Variants in ITGA2 observed in about 807,000 individuals in gnomAD.
ITGA2 encodes the protein integrin alpha-2.
ITGA2 carries 101 observed loss-of-function variants against 146.3 expected under a neutral mutation model. The ratio of observed to expected loss-of-function variants is 0.69; its 90% CI spans 0.59 to 0.81. ITGA2 has a LOEUF of 0.81. ITGA2 is among the 40% of genes least tolerant of loss of function. The pLI is 0.00. For missense variants in ITGA2, 1,281 were observed against 1,402.7 expected, an observed-to-expected ratio of 0.91 and a Z score of 1.39; for synonymous variants, 477 against 487.1, an observed-to-expected ratio of 0.98 and a Z score of 0.27.
Position 53,093,631 on chromosome 5 carries a change from T to C in ITGA2, c.*3032T>C, listed in dbSNP as rs1170227604. 6.6e-6 allele frequency: 1 copy of C among 152,198 alleles called. No individual in the cohort carries two copies. The highest frequency in any genetic ancestry group is 2.4e-5 in the African/African-American group (1 of 41,440). The allele number at this position is 152,198 out of a possible 1,614,324, so 9.4% of individuals were successfully genotyped here. ...AGCACTTTTAAGCAAAGGTAAGTAT[T>C]CATACAAGAAATTTAGGGGGAAAAA... On this transcript the variant is annotated 3_prime_UTR_variant, in exon 30 of 30. Coordinates refer to ENST00000296585, the MANE Select transcript of ITGA2 (RefSeq NM_002203.4).
intron 1 of ITGA2, among the ~76,000 whole-genome samples, chr5:52,994,639 C>G (rs1222700578): frequency 6.6e-6 from 1 of 152,040 alleles, no homozygotes; most frequent in Non-Finnish European, 1.5e-5. Flanking sequence ...TTGGAGTTAG[C>G]CTTATGGAAA....
intron 22 of ITGA2, 30 bp downstream of exon 22, chr5:53,075,167 G>C: frequency 1.2e-6 from 2 of 1,603,224 alleles, no homozygotes; most frequent in Admixed American, 3.3e-5. Context: ...TGAATGGAAT[G>C]ATGGATAGCT....
At chr5:53,046,143 C>T (rs1034423662) in intron 4 of ITGA2, among the ~76,000 whole-genome samples, 1 of 143,960 alleles carries the variant, frequency 6.9e-6, no homozygotes. Context: ...TGCACTGAGC[C>T]GAGATCGTGC....
At chr5:53,034,277 G>A (rs1743378922) in intron 2 of ITGA2, among the ~76,000 whole-genome samples, 1 of 151,752 alleles carries the variant, frequency 6.6e-6, no homozygotes, top group Admixed American at 6.6e-5. Context: ...GCCATCCTCA[G>A]CACTATTAAT....
intron 2 of ITGA2, among the ~76,000 whole-genome samples, chr5:53,028,978 A>G (rs1743088046): frequency 6.6e-6 from 1 of 152,192 alleles, no homozygotes; most frequent in Non-Finnish European, 1.5e-5. Context: ...TGAACTGTTA[A>G]AAACATGGCT....
chr5:53,074,537 T>G, intron 21 of ITGA2, 60 bp downstream of exon 21: 1 of 1,247,794 alleles, frequency 8.0e-7, no homozygotes, highest in Non-Finnish European at 1.2e-6. Flanking sequence ...TATGCTAATT[T>G]ACCAACATAA....
intron 4 of ITGA2, among the ~76,000 whole-genome samples, chr5:53,048,154 C>T (rs560140345): frequency 6.6e-6 from 1 of 152,334 alleles, no homozygotes; most frequent in Non-Finnish European, 1.5e-5. Flanking sequence ...ACTCCTCCTC[C>T]CGCAAGGCTT....
chr5:53,039,829 C>T (rs1743696358), intron 2 of ITGA2, among the ~76,000 whole-genome samples: 1 of 149,154 alleles, frequency 6.7e-6, no homozygotes, highest in African/African-American at 2.5e-5. Context: ...AGCATAGAAT[C>T]ATCCATTCAT....
At chr5:52,989,805 T>TACACAC (rs1383301912) in intron 1 of ITGA2, among the ~76,000 whole-genome samples, 3 of 98,776 alleles carry the variant, frequency 3.0e-5, no homozygotes, top group Non-Finnish European at 4.4e-5. Context: ...TTGTTTTAGG[T>TACACAC]ACACACACGC....
chr5:53,026,906 A>G (rs1387306816), intron 2 of ITGA2, 38 bp downstream of exon 2: 1 of 1,572,272 alleles, frequency 6.4e-7, no homozygotes, highest in Non-Finnish European at 8.7e-7. Context: ...CAGTAAAAAT[A>G]CAAAATAAAT....
intron 2 of ITGA2, among the ~76,000 whole-genome samples, chr5:53,032,372 C>T (rs1743266903): frequency 6.6e-6 from 1 of 152,036 alleles, no homozygotes; most frequent in South Asian, 2.1e-4. Flanking sequence ...AATAACACCA[C>T]CTGGTATTTA....
At chr5:53,017,108 T>C (rs528076772) in intron 1 of ITGA2, among the ~76,000 whole-genome samples, 1 of 152,322 alleles carries the variant, frequency 6.6e-6, no homozygotes, top group East Asian at 1.9e-4. Flanking sequence ...TCAGCCTGGG[T>C]AAGAACCATT....
At chr5:53,076,057 T>A (rs2112010841) in intron 23 of ITGA2, among the ~76,000 whole-genome samples, 2 of 152,120 alleles carry the variant, frequency 1.3e-5, no homozygotes, top group Middle Eastern at 6.8e-3. Flanking sequence ...CAGGTTCTAA[T>A]AGGTCGATAT....
intron 2 of ITGA2, among the ~76,000 whole-genome samples, chr5:53,034,908 A>G (rs1243056145): frequency 1.3e-5 from 2 of 152,190 alleles, no homozygotes; most frequent in Non-Finnish European, 2.9e-5. Context: ...AGAACCAGCA[A>G]TTTTGAGCAA....
chr5:53,028,278 A>T (rs1743049492), intron 2 of ITGA2, among the ~76,000 whole-genome samples: 1 of 152,164 alleles, frequency 6.6e-6, no homozygotes. Context: ...ATCTTGGAGG[A>T]TGTAAATCGT....
At chr5:53,076,486 T>G (rs1272422769) in intron 23 of ITGA2, among the ~76,000 whole-genome samples, 1 of 151,904 alleles carries the variant, frequency 6.6e-6, no homozygotes, top group Non-Finnish European at 1.5e-5. Context: ...AAATAATACA[T>G]CTCTGAAAAA....
chr5:53,044,040 C>T (rs1449151976), intron 3 of ITGA2, among the ~76,000 whole-genome samples: 12 of 151,494 alleles, frequency 7.9e-5, no homozygotes, highest in Admixed American at 3.3e-4. Context: ...TTTGGGAGGC[C>T]GAGGTGGGTA....
At chr5:53,085,227 TC>T (rs1746103467) in intron 27 of ITGA2, among the ~76,000 whole-genome samples, 1 of 152,228 alleles carries the variant, frequency 6.6e-6, no homozygotes, top group South Asian at 2.1e-4. Flanking sequence ...TGCTACCCTT[TC>T]TCTGATGTAG....
chr5:53,029,015 T>TA (rs1743091439), intron 2 of ITGA2, among the ~76,000 whole-genome samples: 2 of 152,332 alleles, frequency 1.3e-5, no homozygotes, highest in South Asian at 4.1e-4. Context: ...CTCATACCTG[T>TA]AATTCCAGCA....
Sources: allele counts gnomAD v4.1 joint callset (sites outside exome capture counted in the v4.1 genomes callset), GRCh38; gene constraint gnomAD v4.1.1; transcripts MANE v1.5; gene names NCBI Gene and HGNC (gene_info 2026-07-23, HGNC 2026-07-21).